The following DOCK3 variants were observed in gnomAD, a reference collection of about 807,000 sequenced individuals.
The protein encoded by DOCK3 is dedicator of cytokinesis 3.
Under a neutral mutation model 265.6 loss-of-function variants are expected in DOCK3, and 60 were observed. The observed-to-expected ratio is 0.23, with a 90% CI of 0.18 to 0.28. DOCK3 has a LOEUF of 0.28. Ranked by LOEUF, DOCK3 falls within the 10% of genes least tolerant of loss-of-function variation. DOCK3 has a pLI of 1.00. For synonymous variants in DOCK3, 881 were observed against 938.0 expected (o/e 0.94, Z 1.11); for missense variants, 1,981 against 2,594.3 (o/e 0.76, Z 5.14).
intron 32 of DOCK3, among the ~76,000 whole-genome samples, chr3:51,327,208 A>G (rs537698288): frequency 6.6e-6 from 1 of 152,208 alleles, no homozygotes; most frequent in Non-Finnish European, 1.5e-5. Flanking sequence ...GTGCATTTTT[A>G]TATCTCAGAA....
At chr3:51,297,587 A>G (rs2082158594) in intron 27 of DOCK3, among the ~76,000 whole-genome samples, 1 of 152,142 alleles carries the variant, frequency 6.6e-6, no homozygotes, top group Non-Finnish European at 1.5e-5. Flanking sequence ...GATACTCCAC[A>G]TTATTACTCA....
chr3:50,881,223 A>C (rs1020177449), intron 3 of DOCK3: 27 of 152,352 alleles, frequency 1.8e-4, no homozygotes, highest in Middle Eastern at 3.4e-3. Flanking sequence ...GGCACAAGAC[A>C]GGGATGCCCT....
rs867973952 is a variant in DOCK3, at chr3:50,883,231, C to T, written c.163-6795C>T. Reference sequence around the variant, plus strand: ...TGTATACATATGTAACAAACCTGCACGTTGTGCACATGTACCCTAGAACTT... The same window carrying T: ...TGTATACATATGTAACAAACCTGCATGTTGTGCACATGTACCCTAGAACTT... On this transcript the variant is annotated intron_variant, in intron 3 of 52. Coordinates refer to ENST00000266037, the MANE Select transcript of DOCK3 (RefSeq NM_004947.5). Among the ~76,000 whole-genome samples, 5 of 151,494 alleles carry T rather than the reference C, an allele frequency of 3.3e-5. No homozygotes were observed. The South Asian group carries it at 8.3e-4, about 25-fold the overall frequency.
intron 2 of DOCK3, among the ~76,000 whole-genome samples, chr3:50,836,259 A>G (rs1470732872): frequency 6.6e-6 from 1 of 152,212 alleles, no homozygotes; most frequent in African/African-American, 2.4e-5. Context: ...TCCCTTCTGC[A>G]CTGCCCTAGC....
rs146475869 is a variant in DOCK3, at chr3:51,055,826, T to G, written c.316-8622T>G. ...AGATCTGCTCTGTGGAATAGAAAGA[T>G]TTTTACAAATCTTAGCTCTCCTGCA... On this transcript the variant is annotated intron_variant, in intron 5 of 52. Coordinates refer to ENST00000266037, the MANE Select transcript of DOCK3 (RefSeq NM_004947.5). 4.7e-3 allele frequency among the ~76,000 whole-genome samples: 713 copies of G among 152,298 alleles called. 5 individuals are homozygous for G. Among genetic ancestry groups the G allele is most frequent in the African/African-American group, 0.016 (682 of 41,548 alleles).
In DOCK3 at chr3:50,675,210, C is replaced by G; in HGVS notation, c.-54C>G. The G allele has an allele frequency of 6.4e-6, 7 of 1,097,568 alleles. No individual in the cohort carries two copies. The highest frequency in any genetic ancestry group is 7.8e-6 in the Non-Finnish European group (7 of 896,342). 68.0% of individuals were successfully genotyped at this position (1,097,568 alleles called of 1,614,324 possible). A position where few individuals can be genotyped will look rare whatever the true frequency, so the allele number is the denominator to read the frequency against. On this transcript the variant is annotated 5_prime_UTR_variant, in exon 1 of 53. Transcript: ENST00000266037. This position sits in a 1 kb window ranked among gnomAD's most constrained non-coding sequence, Gnocchi z 6.1. ...CGCCACAGCCGGGCCCGCGGCCGTCCCCGCCGCGTTGTCGCCCGGTCGCCG... is the reference window on the plus strand; with the variant it reads ...CGCCACAGCCGGGCCCGCGGCCGTCGCCGCCGCGTTGTCGCCCGGTCGCCG...
intron 27 of DOCK3, among the ~76,000 whole-genome samples, chr3:51,292,990 G>A (rs1485841555): frequency 2.0e-5 from 3 of 152,094 alleles, no homozygotes; most frequent in Non-Finnish European, 4.4e-5. Flanking sequence ...GCAAATAAAT[G>A]GACAGATATC....
Position 51,382,454 on chromosome 3 carries a change from G to C in DOCK3, c.*895G>C, listed in dbSNP as rs1237229423. ...CTATGTGGTAGAGAGACTGGTGTAA[G>C]AGTGTGGGGTGTGGCAGGCGCCGGA... On this transcript the variant is annotated 3_prime_UTR_variant, in exon 53 of 53. Transcript: ENST00000266037. 6.5e-6 allele frequency: 1 copy of C among 152,674 alleles called. No individual in the cohort carries two copies. Among genetic ancestry groups the C allele is most frequent in the Non-Finnish European group, 1.5e-5 (1 of 68,080 alleles). The allele number at this position is 152,674 out of a possible 1,614,324, so 9.5% of individuals were successfully genotyped here.
chr3:51,170,058 T>A (rs1262116683), intron 12 of DOCK3, among the ~76,000 whole-genome samples: 3 of 152,254 alleles, frequency 2.0e-5, no homozygotes, highest in Admixed American at 6.5e-5. Flanking sequence ...CTGATATGAT[T>A]CTCAAAAGAA....
intron 1 of DOCK3, chr3:50,719,803 C>T (rs1824280): frequency 0.9 from 722,929 of 805,798 alleles, 324,872 homozygotes; most frequent in African/African-American, 0.95. Flanking sequence ...CACATAAACT[C>T]TGGAATAATT....
At chr3:50,794,874 T>C (rs1294828078) in intron 2 of DOCK3, among the ~76,000 whole-genome samples, 1 of 152,220 alleles carries the variant, frequency 6.6e-6, no homozygotes, top group Non-Finnish European at 1.5e-5. Context: ...TAGTGGTCTT[T>C]CCTTTCCATA....
intron 23 of DOCK3, among the ~76,000 whole-genome samples, chr3:51,261,257 A>G (rs1042522127): frequency 6.6e-6 from 1 of 151,784 alleles, no homozygotes; most frequent in Non-Finnish European, 1.5e-5. Context: ...GGGTGCACCC[A>G]TGGAGGGCAA....
At chr3:50,872,575 T>C (rs2047485100) in intron 3 of DOCK3, among the ~76,000 whole-genome samples, 1 of 152,220 alleles carries the variant, frequency 6.6e-6, no homozygotes, top group Non-Finnish European at 1.5e-5. Context: ...CCTGGAGCTC[T>C]AGAATGAGCA....
intron 3 of DOCK3, among the ~76,000 whole-genome samples, chr3:50,878,730 C>T (rs1458600633): frequency 6.6e-6 from 1 of 152,030 alleles, no homozygotes; most frequent in Non-Finnish European, 1.5e-5. Flanking sequence ...GAGAATATCC[C>T]CAAGCTAGCA....
At chr3:51,305,422 C>A (rs1363893574) in intron 27 of DOCK3, among the ~76,000 whole-genome samples, 1 of 152,084 alleles carries the variant, frequency 6.6e-6, no homozygotes, top group African/African-American at 2.4e-5. Context: ...TTTTTCCATT[C>A]TTTTACTTTC....
intron 14 of DOCK3, among the ~76,000 whole-genome samples, chr3:51,218,268 T>TA (rs914306568): frequency 6.6e-6 from 1 of 151,928 alleles, no homozygotes; most frequent in African/African-American, 2.4e-5. Context: ...ACCCCATCTC[T>TA]AAAAAAAATG....
chr3:50,770,602 A>T (rs2041213624), intron 1 of DOCK3, among the ~76,000 whole-genome samples: 1 of 152,192 alleles, frequency 6.6e-6, no homozygotes, highest in African/African-American at 2.4e-5. Context: ...TGTAAAATTT[A>T]TACGGAACCA....
At chr3:51,141,299 G>GTTTTT (rs34416506) in intron 9 of DOCK3, among the ~76,000 whole-genome samples, 1 of 142,916 alleles carries the variant, frequency 7.0e-6, no homozygotes, top group Non-Finnish European at 1.5e-5. Flanking sequence ...TTCCTGGAGA[G>GTTTTT]TTTTTTTTTT....
At chr3:51,187,791 G>T (rs2087705478) in intron 12 of DOCK3, among the ~76,000 whole-genome samples, 3 of 136,338 alleles carry the variant, frequency 2.2e-5, no homozygotes, top group Admixed American at 1.6e-4. Context: ...ATACTTGTAA[G>T]ATATGACTTG....
Sources: gnomAD v4.1 joint callset for allele counts (sites outside exome capture counted in the v4.1 genomes callset) on GRCh38, gnomAD v4.1.1 for gene constraint, Gnocchi (gnomAD v3.1) non-coding constraint, MANE v1.5 for transcripts, NCBI Gene and HGNC (gene_info 2026-07-23, HGNC 2026-07-21) for gene names.